MEI1: variants seen among roughly 807,000 people sequenced by gnomAD.
MEI1 encodes the protein meiosis inhibitor protein 1.
A neutral mutation model predicts 146.2 loss-of-function variants in MEI1; 103 were observed. The ratio of observed to expected loss-of-function variants is 0.70; its 90% CI spans 0.60 to 0.83. The LOEUF (loss-of-function observed/expected upper bound fraction) is 0.83, where lower values mean the gene tolerates loss of function less well. MEI1 is among the 40% of genes least tolerant of loss of function. MEI1 has a pLI of 0.00. For synonymous variants in MEI1, 652 were observed against 628.2 expected, an observed-to-expected ratio of 1.04 and a Z score of -0.57; for missense variants, 1,529 against 1,533.0, an observed-to-expected ratio of 1.00 and a Z score of 0.04.
intron 18 of MEI1, among the ~76,000 whole-genome samples, chr22:41,760,032 G>A (rs922452706): frequency 2.6e-5 from 4 of 152,026 alleles, no homozygotes; most frequent in African/African-American, 9.7e-5. Flanking sequence ...AAATCAGGCC[G>A]GGTGCAGTGG....
intron 7 of MEI1, among the ~76,000 whole-genome samples, chr22:41,726,304 GC>G (rs1255898368): frequency 6.6e-6 from 1 of 152,156 alleles, no homozygotes; most frequent in Non-Finnish European, 1.5e-5. Context: ...AGTGTAATGA[GC>G]TAGGATCAGG....
intron 11 of MEI1, among the ~76,000 whole-genome samples, chr22:41,742,662 A>AT (rs1279738420): frequency 2.0e-5 from 3 of 152,058 alleles, no homozygotes; most frequent in Non-Finnish European, 4.4e-5. Flanking sequence ...TGAAGTAAGG[A>AT]TTTTTTTGAG....
chr22:41,776,863 G>A (rs2075464449), intron 21 of MEI1, among the ~76,000 whole-genome samples: 2 of 151,640 alleles, frequency 1.3e-5, no homozygotes, highest in Non-Finnish European at 2.9e-5. Flanking sequence ...ACCCACGCTG[G>A]AGTGCAGTGG....
intron 11 of MEI1, among the ~76,000 whole-genome samples, chr22:41,734,950 A>AT (rs1415190180): frequency 1.3e-5 from 2 of 149,780 alleles, no homozygotes; most frequent in South Asian, 2.1e-4. Flanking sequence ...CATTTTATAT[A>AT]TTTTTTTATT....
rs984702207 is a variant in MEI1, at chr22:41,721,237, C to CTTTTTTTTTT, written c.734-2690_734-2681dup. On this transcript the variant is annotated intron_variant, in intron 6 of 30. Coordinates refer to ENST00000401548, the MANE Select transcript of MEI1 (RefSeq NM_152513.4). ...ACAGGTGTTAGCCACCACGCCCGTT[C>CTTTTTTTTTT]TTTTTTTTTTTTTTTTTTTTTTTTT... Among the ~76,000 whole-genome samples the CTTTTTTTTTT allele has an allele frequency of 4.1e-4, 29 of 70,478 alleles. 1 individual carries two copies. The highest frequency in any genetic ancestry group is 2.0e-3 in the African/African-American group (29 of 14,588). 46.2% of individuals were successfully genotyped at this position (70,478 alleles called of 152,430 possible).
At chr22:41,767,628 T>G (rs931445802) in intron 19 of MEI1, 2 of 454,626 alleles carry the variant, frequency 4.4e-6, no homozygotes, top group African/African-American at 4.0e-5. Flanking sequence ...CACAACTCTA[T>G]GCCGATGATT....
intron 12 of MEI1, among the ~76,000 whole-genome samples, chr22:41,743,403 C>T (rs917537678): frequency 2.0e-5 from 3 of 151,966 alleles, no homozygotes; most frequent in Admixed American, 6.6e-5. Flanking sequence ...ACTAAAGCCA[C>T]GAGGGTTAAA....
chr22:41,737,862 C>T (rs982367440), intron 11 of MEI1, among the ~76,000 whole-genome samples: 6 of 152,022 alleles, frequency 3.9e-5, no homozygotes, highest in African/African-American at 1.5e-4. Context: ...ACTAAGGGAT[C>T]CTAGCACCAC....
intron 18 of MEI1, among the ~76,000 whole-genome samples, chr22:41,761,096 G>C (rs1214838547): frequency 6.6e-6 from 1 of 152,030 alleles, no homozygotes; most frequent in Non-Finnish European, 1.5e-5. Flanking sequence ...TGGATCACCT[G>C]AGTTCAGGAG....
At chr22:41,747,147 A>C (rs1209084922) in intron 14 of MEI1, among the ~76,000 whole-genome samples, 4 of 152,020 alleles carry the variant, frequency 2.6e-5, no homozygotes, top group Admixed American at 6.6e-5. Context: ...TGTTTACAGA[A>C]AGGGAACTGA....
Position 41,724,060 on chromosome 22 carries a change from T to C in MEI1, c.851T>C (p.Leu284Ser). ...EGSSGNTSLPLVLKKLLLSRD... is the reference protein window; with the variant it reads ...EGSSGNTSLPSVLKKLLLSRD... ...TCATCAGGAAATACCTCACTGCCTT[T>C]GGTGCTCAAAAAGGTAGTTGTCTTG... Residue 284 changes from leucine to serine, a missense_variant, in exon 7 of 31, where the codon TTG becomes TCG. By Grantham distance (145) the Leu-to-Ser change is moderately radical. Coordinates refer to ENST00000401548, the MANE Select transcript of MEI1 (RefSeq NM_152513.4). 6.2e-7 allele frequency: 1 copy of C among 1,613,920 alleles called. No homozygotes were observed. Among genetic ancestry groups the C allele is most frequent in the Non-Finnish European group, 8.5e-7 (1 of 1,179,850 alleles).
At chr22:41,773,438 A>C (rs1221663896) in intron 20 of MEI1, among the ~76,000 whole-genome samples, 3 of 152,098 alleles carry the variant, frequency 2.0e-5, no homozygotes, top group African/African-American at 7.2e-5. Context: ...AACCAGATAA[A>C]GTTCATCTCA....
intron 6 of MEI1, among the ~76,000 whole-genome samples, chr22:41,721,216 G>A (rs189385390): frequency 6.7e-6 from 1 of 148,894 alleles, no homozygotes; most frequent in Non-Finnish European, 1.5e-5. Context: ...GGGATTACAG[G>A]TGTTAGCCAC....
chr22:41,737,788 C>G (rs1204850901), intron 11 of MEI1, among the ~76,000 whole-genome samples: 1 of 152,112 alleles, frequency 6.6e-6, no homozygotes, highest in Non-Finnish European at 1.5e-5. Flanking sequence ...TTTTTCACTG[C>G]TCTGTCTCTG....
chr22:41,712,020 G>A (rs1045647854), intron 3 of MEI1, among the ~76,000 whole-genome samples: 1 of 151,254 alleles, frequency 6.6e-6, no homozygotes, highest in Non-Finnish European at 1.5e-5. Flanking sequence ...TGGCCAACAT[G>A]TAGAAGCCCC....
intron 3 of MEI1, among the ~76,000 whole-genome samples, chr22:41,713,727 T>C (rs1569157542): frequency 6.6e-6 from 1 of 152,186 alleles, no homozygotes; most frequent in Non-Finnish European, 1.5e-5. Context: ...TTTGTTTTTC[T>C]AATAGAGACG....
intron 5 of MEI1, among the ~76,000 whole-genome samples, chr22:41,716,495 G>C (rs1324304948): frequency 6.7e-6 from 1 of 149,784 alleles, no homozygotes; most frequent in African/African-American, 2.5e-5. Flanking sequence ...TCCTACCTCA[G>C]CCTCCCGAGT....
chr22:41,785,587 G>C (rs1028248606), intron 26 of MEI1, among the ~76,000 whole-genome samples: 11 of 151,152 alleles, frequency 7.3e-5, no homozygotes. Context: ...TTTTGAGACA[G>C]AGTTTGGCTC....
chr22:41,751,944 C>T (rs571858575), intron 15 of MEI1, among the ~76,000 whole-genome samples: 28 of 149,574 alleles, frequency 1.9e-4, no homozygotes, highest in African/African-American at 6.7e-4. Flanking sequence ...GTGGTGCGTA[C>T]CTGTAGTCCC....
Sources: allele counts gnomAD v4.1 joint callset (sites outside exome capture counted in the v4.1 genomes callset), GRCh38; gene constraint gnomAD v4.1.1; transcripts MANE v1.5; gene names NCBI Gene and HGNC (gene_info 2026-07-23, HGNC 2026-07-21).